The following MALRD1 variants were observed in gnomAD, a reference collection of about 807,000 sequenced individuals.
MALRD1 encodes the protein MAM and LDL-receptor class A domain-containing protein 1.
MALRD1 carries 247 observed loss-of-function variants against 242.1 expected under a neutral mutation model. The observed-to-expected ratio is 1.02, with a 90% confidence interval of 0.92 to 1.13. MALRD1 has a LOEUF of 1.13. Among genes scored for constraint, MALRD1 ranks in the 50% most tolerant of loss-of-function variants. The probability of loss-of-function intolerance (pLI) is 0.00; values close to 1 mark genes in which losing one functional copy is unlikely to be tolerated. For missense variants in MALRD1, 2,989 were observed against 2,533.1 expected, an observed-to-expected ratio of 1.18 and a Z score of -3.86; for synonymous variants, 995 against 866.6, an observed-to-expected ratio of 1.15 and a Z score of -2.60.
At chr10:19,459,806 T>A in intron 29 of MALRD1, among the ~76,000 whole-genome samples, 1 of 150,940 alleles carries the variant, frequency 6.6e-6, no homozygotes, top group Admixed American at 6.6e-5. Context: ...TTACTATTAA[T>A]ATAATTATAT....
intron 33 of MALRD1, among the ~76,000 whole-genome samples, chr10:19,585,151 C>A (rs561193821): frequency 6.6e-6 from 1 of 152,314 alleles, no homozygotes; most frequent in African/African-American, 2.4e-5. Context: ...CTGAATACAG[C>A]ACACTGATGG....
chr10:19,581,811 G>A (rs984992211), intron 33 of MALRD1, among the ~76,000 whole-genome samples: 3 of 151,040 alleles, frequency 2.0e-5, no homozygotes, highest in African/African-American at 7.3e-5. Flanking sequence ...TTCCACAATG[G>A]TTGAACTAGT....
chr10:19,105,569 A>G (rs771072721), intron 5 of MALRD1, among the ~76,000 whole-genome samples: 2 of 152,098 alleles, frequency 1.3e-5, no homozygotes, highest in African/African-American at 2.4e-5. Flanking sequence ...TTGCTGAGTC[A>G]TTTGGTACTT....
At chr10:19,129,734 A>G (rs1044512730) in intron 8 of MALRD1, among the ~76,000 whole-genome samples, 1 of 148,584 alleles carries the variant, frequency 6.7e-6, no homozygotes, top group African/African-American at 2.4e-5. Context: ...AATAATATAT[A>G]ATGTATAATT....
intron 32 of MALRD1, among the ~76,000 whole-genome samples, chr10:19,561,186 C>G (rs1195068638): frequency 1.3e-5 from 2 of 152,114 alleles, no homozygotes; most frequent in Non-Finnish European, 2.9e-5. Flanking sequence ...GTTCTAAGAG[C>G]ATACATTGTA....
At chr10:19,707,169 G>C (rs532442805) in intron 38 of MALRD1, among the ~76,000 whole-genome samples, 3 of 114,456 alleles carry the variant, frequency 2.6e-5, no homozygotes, top group African/African-American at 3.4e-5. Flanking sequence ...CTTCTTCTTC[G>C]TCCTCCTCCT....
chr10:19,168,529 T>C (rs1227255543), intron 13 of MALRD1, among the ~76,000 whole-genome samples: 1 of 152,334 alleles, frequency 6.6e-6, no homozygotes, highest in Non-Finnish European at 1.5e-5. Flanking sequence ...GAAGCTCTCA[T>C]GGACCCATCA....
intron 32 of MALRD1, among the ~76,000 whole-genome samples, chr10:19,537,979 T>C (rs1223685897): frequency 1.3e-5 from 2 of 152,164 alleles, no homozygotes; most frequent in Non-Finnish European, 2.9e-5. Context: ...TGAAAACCAA[T>C]GTCTGTAAAT....
At chr10:19,499,924 C>T (rs868405549) in intron 31 of MALRD1, among the ~76,000 whole-genome samples, 5 of 152,106 alleles carry the variant, frequency 3.3e-5, no homozygotes, top group African/African-American at 1.2e-4. Context: ...TACTGATTTG[C>T]GTATGTCGAA....
chr10:19,610,941 G>A (rs1390838188), intron 35 of MALRD1, among the ~76,000 whole-genome samples: 2 of 151,942 alleles, frequency 1.3e-5, no homozygotes, highest in Non-Finnish European at 2.9e-5. Flanking sequence ...AAATGGTAGT[G>A]GTGATGGTGA....
At chr10:19,730,454 A>G in intron 38 of MALRD1, 1 of 512,094 alleles carries the variant, frequency 2.0e-6, no homozygotes, top group Non-Finnish European at 3.5e-6. Context: ...AATTTCTTTT[A>G]TTTGCCTGAG....
intron 26 of MALRD1, among the ~76,000 whole-genome samples, chr10:19,380,981 CAT>C (rs949510116): frequency 2.0e-5 from 3 of 151,030 alleles, no homozygotes; most frequent in East Asian, 2.0e-4. Flanking sequence ...CATATGTACA[CAT>C]GTGCCATGCT....
intron 36 of MALRD1, among the ~76,000 whole-genome samples, chr10:19,688,432 T>A (rs907418315): frequency 3.9e-5 from 6 of 152,004 alleles, no homozygotes; most frequent in African/African-American, 1.5e-4. Flanking sequence ...ATGGCTAATT[T>A]TTAGAATTTT....
At chr10:19,125,360 T>TCTTTCTTTCTTTCTTTCTTTC (rs1837243712) in intron 7 of MALRD1, among the ~76,000 whole-genome samples, 1 of 116,928 alleles carries the variant, frequency 8.6e-6, no homozygotes, top group African/African-American at 3.4e-5. Flanking sequence ...TTTCTTTCTT[T>TCTTTCTTTCTTTCTTTCTTTC]CTTTCTTTCT....
chr10:19,400,547 A>G (rs1186717321), intron 28 of MALRD1, among the ~76,000 whole-genome samples: 2 of 152,208 alleles, frequency 1.3e-5, no homozygotes, highest in Non-Finnish European at 2.9e-5. Context: ...TATTAAACAC[A>G]TATTTTTTAA....
chr10:19,059,499 G>C (rs1264882445), intron 1 of MALRD1, among the ~76,000 whole-genome samples: 1 of 152,014 alleles, frequency 6.6e-6, no homozygotes, highest in Non-Finnish European at 1.5e-5. Flanking sequence ...CGATTCTCCT[G>C]CCTCAACCTC....
chr10:19,104,978 G>T (rs1278740229), intron 5 of MALRD1, among the ~76,000 whole-genome samples: 2 of 152,078 alleles, frequency 1.3e-5, no homozygotes, highest in East Asian at 3.9e-4. Context: ...TTAAATCAGG[G>T]TATTTAACTT....
intron 36 of MALRD1, among the ~76,000 whole-genome samples, chr10:19,640,044 G>GT (rs1427251769): frequency 6.6e-6 from 1 of 152,094 alleles, no homozygotes; most frequent in Non-Finnish European, 1.5e-5. Flanking sequence ...CCCATTGACT[G>GT]TGAGGCCCAC....
chr10:19,483,784 A>T (rs1837121240), intron 29 of MALRD1, among the ~76,000 whole-genome samples: 1 of 152,154 alleles, frequency 6.6e-6, no homozygotes, highest in Admixed American at 6.5e-5. Flanking sequence ...ATATATTCAA[A>T]AGAAAAGAAA....
Sources: gnomAD v4.1 joint callset for allele counts (sites outside exome capture counted in the v4.1 genomes callset) on GRCh38, gnomAD v4.1.1 for gene constraint, MANE v1.5 for transcripts, NCBI Gene and HGNC (gene_info 2026-07-23, HGNC 2026-07-21) for gene names.